The following KCNQ1 variants were observed in gnomAD, a reference collection of about 807,000 sequenced individuals.
The protein encoded by KCNQ1 is potassium voltage-gated channel subfamily Q member 1.
A neutral mutation model predicts 72.4 loss-of-function variants in KCNQ1; 49 were observed. That is an observed-to-expected ratio of 0.68 (90% CI 0.54 to 0.86). KCNQ1 has a LOEUF of 0.86. Ranked by LOEUF, KCNQ1 falls within the 40% of genes least tolerant of loss-of-function variation. The pLI is 0.00. For synonymous variants in KCNQ1, 450 were observed against 412.6 expected (o/e 1.09, Z -1.10); for missense variants, 790 against 945.1 (o/e 0.84, Z 2.15).
rs1849083434 is a variant in KCNQ1, at chr11:2,617,307, C to G, written c.1393+28453C>G. 1 of 398,224 alleles carries G rather than the reference C, an allele frequency of 2.5e-6. No individual in the cohort carries two copies. Among genetic ancestry groups the G allele is most frequent in the African/African-American group, 2.1e-5 (1 of 48,592 alleles). The allele number at this position is 398,224 out of a possible 1,614,324, so 24.7% of individuals were successfully genotyped here. On this transcript the variant is annotated intron_variant, in intron 10 of 15. Coordinates refer to ENST00000155840, the MANE Select transcript of KCNQ1 (RefSeq NM_000218.3). The surrounding 1 kb of genome is among the most constrained non-coding windows in gnomAD (Gnocchi z 4.6). ...TGACTTTTTTCTTTTTAAGATTCTA[C>G]ATATAGGTGAGATTATTTAAAACTT...
At chr11:2,801,765 G>C (rs549241077) in intron 15 of KCNQ1, among the ~76,000 whole-genome samples, 15 of 152,360 alleles carry the variant, frequency 9.8e-5, no homozygotes, top group African/African-American at 3.6e-4. Flanking sequence ...CTGAAGGGCA[G>C]GAAGTGAGGG....
rs906975397 is a variant in KCNQ1, at chr11:2,620,229, T to A, written c.1393+31375T>A. 20 of 262,996 alleles carry A rather than the reference T, an allele frequency of 7.6e-5. No homozygotes were observed. The highest frequency in any genetic ancestry group is 4.5e-5 in the African/African-American group (2 of 44,102). The allele number at this position is 262,996 out of a possible 1,614,324, so 16.3% of individuals were successfully genotyped here. On this transcript the variant is annotated intron_variant, in intron 10 of 15. Coordinates refer to ENST00000155840, the MANE Select transcript of KCNQ1 (RefSeq NM_000218.3). This position sits in a 1 kb window ranked among gnomAD's most constrained non-coding sequence, Gnocchi z 4.5. ...TATATATATTTTTTTTTTTTATTTT[T>A]TTTTTAGACGGAGTTTCGCTCTTGT...
intron 10 of KCNQ1, chr11:2,641,662 TTGTTTTTGTCTG>T: frequency 2.5e-6 from 1 of 398,454 alleles, no homozygotes; most frequent in Non-Finnish European, 4.4e-6. Flanking sequence ...TTGTCTATTT[TTGTTTTTGTCTG>T]TGTTTTTGAG....
At position 2,559,291 on chromosome 11, in the gene KCNQ1, A is replaced by G. The variant is rs1008598433; in HGVS notation, c.478-11337A>G. The stretch of plus-strand genomic sequence containing the variant: ...AGTCCTGGGGCCTGGAGGGTCGTAG[A>G]GAAATGTGTGAACATGGCTCCCCTT... On this transcript the variant is annotated intron_variant, in intron 2 of 15. Transcript: ENST00000155840. The surrounding 1 kb of genome is among the most constrained non-coding windows in gnomAD (Gnocchi z 4.9). Among the ~76,000 whole-genome samples the G allele has an allele frequency of 6.6e-6, 1 of 152,166 alleles. No homozygotes were observed. Among genetic ancestry groups the G allele is most frequent in the African/African-American group, 2.4e-5 (1 of 41,432 alleles).
At position 2,767,276 on chromosome 11, in the gene KCNQ1, T is replaced by G. The variant is rs192555090; in HGVS notation, c.1515-1568T>G. 5.9e-5 allele frequency among the ~76,000 whole-genome samples: 9 copies of G among 152,262 alleles called. No homozygotes were observed. Among genetic ancestry groups the G allele is most frequent in the African/African-American group, 1.9e-4 (8 of 41,548 alleles). On this transcript the variant is annotated intron_variant, in intron 11 of 15. Coordinates refer to ENST00000155840, the MANE Select transcript of KCNQ1 (RefSeq NM_000218.3). This position sits in a 1 kb window ranked among gnomAD's most constrained non-coding sequence, Gnocchi z 4.6. ...TGCTGGCTGTTAGCTGAGGCCTCTCTCTTCTCCATGTGGCCTCTCTAATCA... is the reference window on the plus strand; with the variant it reads ...TGCTGGCTGTTAGCTGAGGCCTCTCGCTTCTCCATGTGGCCTCTCTAATCA...
chr11:2,656,446 T>A, intron 10 of KCNQ1: 1 of 398,682 alleles, frequency 2.5e-6, no homozygotes, highest in Non-Finnish European at 4.4e-6. Context: ...GACTAAGTAA[T>A]GTCTGTGTGG....
intron 11 of KCNQ1, among the ~76,000 whole-genome samples, chr11:2,739,668 G>A (rs997484693): frequency 3.3e-5 from 5 of 152,192 alleles, no homozygotes; most frequent in Non-Finnish European, 7.3e-5. Flanking sequence ...TCCTATCCAC[G>A]GCACTGGGCC....
chr11:2,541,848 G>C lies in KCNQ1; in HGVS notation c.477+13830G>C, dbSNP rs1847830942. ...TGGAGCCCCTGTCAGAGGCGCTGAG[G>C]CCCAGGTCCTGTGGCTGGTCCTCGC... On this transcript the variant is annotated intron_variant, in intron 2 of 15. Transcript: ENST00000155840. The surrounding 1 kb of genome is among the most constrained non-coding windows in gnomAD (Gnocchi z 4.8). Among the ~76,000 whole-genome samples, 1 of 152,174 alleles carries C rather than the reference G, an allele frequency of 6.6e-6. No individual in the cohort carries two copies. Among genetic ancestry groups the C allele is most frequent in the Non-Finnish European group, 1.5e-5 (1 of 68,042 alleles).
At chr11:2,453,653 G>A (rs1384892794) in intron 1 of KCNQ1, among the ~76,000 whole-genome samples, 2 of 152,202 alleles carry the variant, frequency 1.3e-5, no homozygotes, top group African/African-American at 4.8e-5. Flanking sequence ...GCATTTGCTG[G>A]TAGGCATGCA....
rs555297119 is a variant in KCNQ1 at position 2,561,813 on chromosome 11, C to A, written c.478-8815C>A. Among the ~76,000 whole-genome samples the A allele has an allele frequency of 9.8e-5, 15 of 152,344 alleles. No homozygotes were observed. The East Asian group carries it at 2.9e-3, about 29-fold the overall frequency. Reference sequence around the variant, plus strand: ...GCTGTGCAGGGGCCCAGAAGCCCTCCCCTCCGAGGAGGTGGGCCTGTTCCA... The same window carrying A: ...GCTGTGCAGGGGCCCAGAAGCCCTCACCTCCGAGGAGGTGGGCCTGTTCCA... On this transcript the variant is annotated intron_variant, in intron 2 of 15. Transcript: ENST00000155840.
At chr11:2,812,456 C>T (rs1171752816) in intron 15 of KCNQ1, among the ~76,000 whole-genome samples, 1 of 152,318 alleles carries the variant, frequency 6.6e-6, no homozygotes, top group East Asian at 1.9e-4. Context: ...ACAGCCTGCC[C>T]GGCCGGCTCT....
intron 11 of KCNQ1, chr11:2,672,675 G>A: frequency 2.5e-6 from 1 of 398,778 alleles, no homozygotes; most frequent in Non-Finnish European, 4.4e-6. Flanking sequence ...ACCTTGCCCA[G>A]TGGACACAGC....
chr11:2,555,859 A>G (rs2133700537), intron 2 of KCNQ1, among the ~76,000 whole-genome samples: 1 of 152,332 alleles, frequency 6.6e-6, no homozygotes, highest in South Asian at 2.1e-4. Context: ...TTGGAGAGAC[A>G]GGGCCCACTT....
Position 2,613,808 on chromosome 11 carries a change from T to A in KCNQ1, c.1393+24954T>A, listed in dbSNP as rs74576899. 0.013 allele frequency: 5,119 copies of A among 398,542 alleles called. 42 individuals carry two copies. The highest frequency in any genetic ancestry group is 0.018 in the Non-Finnish European group (3,965 of 226,028). 24.7% of individuals were successfully genotyped at this position (398,542 alleles called of 1,614,324 possible). On this transcript the variant is annotated intron_variant, in intron 10 of 15. Transcript: ENST00000155840. This position sits in a 1 kb window ranked among gnomAD's most constrained non-coding sequence, Gnocchi z 4.8. ...ATATCTCTTCCATCCTAATTCCCCC[T>A]ACCCATTATAGGTAACCAGTTTCAG...
chr11:2,571,437 C>T (rs746214306), intron 4 of KCNQ1, 34 bp downstream of exon 4: 5 of 1,575,992 alleles, frequency 3.2e-6, no homozygotes, highest in South Asian at 1.1e-5. Flanking sequence ...CCCGCCATGC[C>T]GCCCCACCCC....
At position 2,560,659 on chromosome 11, in the gene KCNQ1, G is replaced by A. The variant is rs368242929; in HGVS notation, c.478-9969G>A. 7.7e-4 allele frequency among the ~76,000 whole-genome samples: 117 copies of A among 152,184 alleles called. 2 individuals carry two copies. In the East Asian group the frequency reaches 0.021, roughly 27 times the overall value. On this transcript the variant is annotated intron_variant, in intron 2 of 15. Coordinates refer to ENST00000155840, the MANE Select transcript of KCNQ1 (RefSeq NM_000218.3). ...CTCAGCCTCCCCTTCCACACCCCAA[G>A]TACAGCACCCACAAGGCAGGTGCCT...
In KCNQ1 at chr11:2,699,415, GCCGCGCTGAGGAGAGTCTGGGAGAA is replaced by G. The variant is rs531253689; in HGVS notation, c.1514+37339_1514+37363del. On this transcript the variant is annotated intron_variant, in intron 11 of 15. Coordinates refer to ENST00000155840, the MANE Select transcript of KCNQ1 (RefSeq NM_000218.3). ...AAACCCTCCCAGAGAGATGGGGAGG[GCCGCGCTGAGGAGAGTCTGGGAGAA>G]CCGCACTGAGGAGCCGCCGGGAGAG... 4.3e-3 allele frequency: 1,714 copies of G among 401,564 alleles called. 21 individuals carry two copies. Among genetic ancestry groups the G allele is most frequent in the African/African-American group, 0.032 (1,559 of 48,588 alleles). The allele number at this position is 401,564 out of a possible 1,614,324, so 24.9% of individuals were successfully genotyped here.
chr11:2,553,128 G>A (rs1848008517), intron 2 of KCNQ1, among the ~76,000 whole-genome samples: 1 of 150,150 alleles, frequency 6.7e-6, no homozygotes, highest in Non-Finnish European at 1.5e-5. Context: ...AGTTTGAGAA[G>A]GTTTCTTGTT....
At position 2,564,755 on chromosome 11, in the gene KCNQ1, C is replaced by T. The variant is rs1454150034; in HGVS notation, c.478-5873C>T. Among the ~76,000 whole-genome samples the T allele has an allele frequency of 1.3e-5, 2 of 152,248 alleles. No homozygotes were observed. The highest frequency in any genetic ancestry group is 2.9e-5 in the Non-Finnish European group (2 of 68,052). On this transcript the variant is annotated intron_variant, in intron 2 of 15. Coordinates refer to ENST00000155840, the MANE Select transcript of KCNQ1 (RefSeq NM_000218.3). This position sits in a 1 kb window ranked among gnomAD's most constrained non-coding sequence, Gnocchi z 4.5. ...CACTCACTCCCTACTCCCCCTTCCC[C>T]AGCCCCTGGCGCCCATCATCTACTT...
Sources: gnomAD v4.1 joint callset for allele counts (sites outside exome capture counted in the v4.1 genomes callset) on GRCh38, gnomAD v4.1.1 for gene constraint, Gnocchi (gnomAD v3.1) non-coding constraint, MANE v1.5 for transcripts, NCBI Gene and HGNC (gene_info 2026-07-23, HGNC 2026-07-21) for gene names.